Variants in SPATA9 observed in about 807,000 individuals in gnomAD.
SPATA9 encodes spermatogenesis-associated protein 9.
SPATA9 carries 27 observed loss-of-function variants against 25.5 expected under a neutral mutation model. The ratio of observed to expected loss-of-function variants is 1.06; its 90% CI spans 0.78 to 1.46. The LOEUF is 1.46. SPATA9 is among the 40% of genes most tolerant of loss of function. SPATA9 has a pLI of 0.00. For missense variants in SPATA9, 282 were observed against 297.5 expected (o/e 0.95, Z 0.38); for synonymous variants, 102 against 105.7 (o/e 0.97, Z 0.21).
At chr5:95,652,564 G>C (rs550075754), downstream of SPATA9, 15 of 440,574 alleles carry the variant, frequency 3.4e-5, no homozygotes, top group African/African-American at 2.8e-4. Flanking sequence ...AGTTCACCTA[G>C]CTGCACAAAC....
At chr5:95,674,698 A>G (rs548130252) in intron 3 of SPATA9, 1 of 452,238 alleles carries the variant, frequency 2.2e-6, no homozygotes, top group South Asian at 1.6e-5. Context: ...GTATCCAGCC[A>G]TGTCGGGAAT....
chr5:95,686,305 A>G (rs1753743770), upstream of SPATA9, among the ~76,000 whole-genome samples: 1 of 152,208 alleles, frequency 6.6e-6, no homozygotes, highest in African/African-American at 2.4e-5. Flanking sequence ...TGGATTCTAT[A>G]TTTAACTATG....
At chr5:95,704,360 C>T in the SPATA9 span, among the ~76,000 whole-genome samples, 1 of 152,280 alleles carries the variant, frequency 6.6e-6, no homozygotes, top group East Asian at 1.9e-4. Context: ...ACGTGGCAGA[C>T]ACATGACTGT....
upstream of SPATA9, among the ~76,000 whole-genome samples, chr5:95,699,429 A>T (rs1420118954): frequency 6.6e-6 from 1 of 152,220 alleles, no homozygotes; most frequent in East Asian, 1.9e-4. Context: ...TAGTGTGGTG[A>T]CCTGGCCAAT....
At chr5:95,690,459 T>C (rs1753853387) in intron 1 of SPATA9, among the ~76,000 whole-genome samples, 1 of 152,150 alleles carries the variant, frequency 6.6e-6, no homozygotes, top group Non-Finnish European at 1.5e-5. Flanking sequence ...GGAGATCTTA[T>C]GCCAAAAAGT....
rs769770069 is a variant in SPATA9 at position 95,664,045 on chromosome 5, T to C, written c.382A>G (p.Arg128Gly). The C allele has an allele frequency of 1.3e-6, 2 of 1,550,160 alleles. No homozygotes were observed. Among genetic ancestry groups the C allele is most frequent in the African/African-American group, 1.4e-5 (1 of 73,184 alleles). The change falls in exon 4 of 5, where the codon AGA becomes GGA. Residue 128 changes from arginine (R) to glycine (G), a missense_variant. Arg to Gly is a moderately radical substitution (Grantham distance 125). Transcript: ENST00000274432. ...PRQPLYNIQV[R>G]KGSLFEIISF... ...ATGATTTCAAACAAAGAACCCTTTC[T>C]GACCTGCAAAAACAGAAAAGATTTT...
Position 95,658,849 on chromosome 5 carries a change from C to T in SPATA9, c.539G>A (p.Arg180Lys), listed in dbSNP as rs372532649. The change falls in exon 5 of 5, where the codon AGG becomes AAG. Residue 180 changes from arginine to lysine, a missense_variant. Transcript: ENST00000274432. ...ATTTTCACTCTCCTCTCTGTTTTGC[C>T]TTATGGATTCTTCTTCCTGGAAGAT... Reference protein sequence around the residue: ...KNIFQEEESIRQNREESENCR... With the variant: ...KNIFQEEESIKQNREESENCR... The T allele has an allele frequency of 3.1e-6, 5 of 1,613,898 alleles. No individual in the cohort carries two copies. The highest frequency in any genetic ancestry group is 4.2e-6 in the Non-Finnish European group (5 of 1,179,892).
chr5:95,652,511 C>A, downstream of SPATA9: 1 of 781,676 alleles, frequency 1.3e-6, no homozygotes, highest in African/African-American at 1.7e-5. Flanking sequence ...TGCAAAAATA[C>A]CATTCATTTC....
At chr5:95,669,684 TG>T (rs752291398) in intron 3 of SPATA9, among the ~76,000 whole-genome samples, 4 of 152,192 alleles carry the variant, frequency 2.6e-5, no homozygotes, top group Non-Finnish European at 4.4e-5. Flanking sequence ...CAATGATGTC[TG>T]GGAGCTGACG....
the SPATA9 span, among the ~76,000 whole-genome samples, chr5:95,722,975 C>T: frequency 6.6e-6 from 1 of 152,256 alleles, no homozygotes; most frequent in South Asian, 2.1e-4. Context: ...GTTTTAAAAA[C>T]ATCACTGAGC....
intron 1 of SPATA9, among the ~76,000 whole-genome samples, chr5:95,688,566 G>T (rs776352102): frequency 6.6e-6 from 1 of 152,086 alleles, no homozygotes; most frequent in Non-Finnish European, 1.5e-5. Context: ...TGCATTTTAC[G>T]CAATGTAGAT....
At chr5:95,679,837 G>A (rs748086424) in intron 2 of SPATA9, among the ~76,000 whole-genome samples, 3 of 152,206 alleles carry the variant, frequency 2.0e-5, no homozygotes, top group Non-Finnish European at 2.9e-5. Context: ...AGTTCAGTAG[G>A]TCCTGACAGT....
intron 2 of SPATA9, among the ~76,000 whole-genome samples, chr5:95,681,027 A>G (rs775244726): frequency 6.6e-6 from 1 of 152,186 alleles, no homozygotes; most frequent in Non-Finnish European, 1.5e-5. Flanking sequence ...TCTATTTCCA[A>G]TGTTAATGTC....
chr5:95,702,354 A>G (rs1345323733), upstream of SPATA9, among the ~76,000 whole-genome samples: 1 of 152,192 alleles, frequency 6.6e-6, no homozygotes, highest in Non-Finnish European at 1.5e-5. Flanking sequence ...CCATCAAGGG[A>G]TAGAATTCAC....
At chr5:95,662,974 G>A (rs532982609) in intron 4 of SPATA9, among the ~76,000 whole-genome samples, 8 of 152,276 alleles carry the variant, frequency 5.3e-5, no homozygotes, top group Admixed American at 5.2e-4. Context: ...TGTGTTAATT[G>A]TTAAAAAACC....
At chr5:95,687,176 A>G (rs1372173841), upstream of SPATA9, among the ~76,000 whole-genome samples, 1 of 152,246 alleles carries the variant, frequency 6.6e-6, no homozygotes, top group East Asian at 1.9e-4. Context: ...CCTGATAATT[A>G]GACACCCCAT....
At chr5:95,708,715 G>A in the SPATA9 span, 26 of 685,652 alleles carry the variant, frequency 3.8e-5, no homozygotes, top group African/African-American at 3.5e-4. Context: ...TCCTATGACC[G>A]GTAAGTTGTG....
At chr5:95,677,958 G>A (rs1334334741) in intron 2 of SPATA9, among the ~76,000 whole-genome samples, 2 of 152,142 alleles carry the variant, frequency 1.3e-5, no homozygotes, top group Non-Finnish European at 2.9e-5. Context: ...ATTTGCAAGT[G>A]TAAACCTTTA....
At chr5:95,668,723 T>G (rs1030951259) in intron 3 of SPATA9, among the ~76,000 whole-genome samples, 2 of 152,236 alleles carry the variant, frequency 1.3e-5, no homozygotes, top group African/African-American at 4.8e-5. Flanking sequence ...GTAAAAACAT[T>G]TTGAACCTTT....
Sources: allele counts gnomAD v4.1 joint callset (sites outside exome capture counted in the v4.1 genomes callset), GRCh38; gene constraint gnomAD v4.1.1; transcripts MANE v1.5; gene names NCBI Gene and HGNC (gene_info 2026-07-23, HGNC 2026-07-21).